GPD2: variants seen among roughly 807,000 people sequenced by gnomAD.
GPD2 encodes glycerol-3-phosphate dehydrogenase, mitochondrial.
GPD2 carries 54 observed loss-of-function variants against 82.4 expected under a neutral mutation model. The ratio of observed to expected loss-of-function variants is 0.66; its 90% CI spans 0.53 to 0.82. The LOEUF is 0.82. Ranked by LOEUF, GPD2 falls within the 40% of genes least tolerant of loss-of-function variation. The pLI is 0.00. For missense variants in GPD2, 748 were observed against 896.2 expected (o/e 0.83, Z 2.11); for synonymous variants, 288 against 306.1 (o/e 0.94, Z 0.62).
chr2:156,528,315 A>G (rs1375176099), intron 6 of GPD2, among the ~76,000 whole-genome samples: 1 of 152,016 alleles, frequency 6.6e-6, no homozygotes, highest in African/African-American at 2.4e-5. Context: ...TCTTTTTCTC[A>G]TCACAGATTT....
intron 6 of GPD2, among the ~76,000 whole-genome samples, chr2:156,526,024 GT>G (rs1685592872): frequency 1.3e-5 from 2 of 152,016 alleles, no homozygotes; most frequent in Non-Finnish European, 2.9e-5. Flanking sequence ...CTACCATTTT[GT>G]AGGTGGTAGT....
At chr2:156,505,610 G>C (rs183984179) in intron 3 of GPD2, among the ~76,000 whole-genome samples, 180 of 152,274 alleles carry the variant, frequency 1.2e-3, no homozygotes, top group African/African-American at 4.2e-3. Flanking sequence ...AGAGAGGCCA[G>C]CCCTTCCCTG....
chr2:156,454,428 G>T (rs1682718919), intron 1 of GPD2, among the ~76,000 whole-genome samples: 1 of 151,844 alleles, frequency 6.6e-6, no homozygotes, highest in Non-Finnish European at 1.5e-5. Flanking sequence ...AGGCCAAATG[G>T]GAGGATTACT....
chr2:156,486,005 T>C (rs923782237), intron 2 of GPD2, among the ~76,000 whole-genome samples: 3 of 152,248 alleles, frequency 2.0e-5, no homozygotes, highest in African/African-American at 7.2e-5. Context: ...CTTAGAAATA[T>C]AACTAAATTT....
the GPD2 span, among the ~76,000 whole-genome samples, chr2:156,424,019 T>C: frequency 1.3e-5 from 2 of 152,202 alleles, no homozygotes; most frequent in Non-Finnish European, 1.5e-5. Context: ...TAGCCCTTAA[T>C]ATAGTTGGAA....
At chr2:156,575,402 C>CTTTTTTTTT (rs35297244) in intron 13 of GPD2, among the ~76,000 whole-genome samples, 10 of 91,010 alleles carry the variant, frequency 1.1e-4, no homozygotes, top group Non-Finnish European at 1.4e-4. Context: ...CTTTTCTTTT[C>CTTTTTTTTT]TTTTTTTTTT....
chr2:156,550,457 T>C, intron 7 of GPD2, 145 bp from the exon 8 acceptor site: 1 of 810,194 alleles, frequency 1.2e-6, no homozygotes, highest in Non-Finnish European at 2.1e-6. Context: ...GTTTGGCTCT[T>C]CAATAACTTG....
At chr2:156,401,790 G>T in the GPD2 span, among the ~76,000 whole-genome samples, 1 of 152,170 alleles carries the variant, frequency 6.6e-6, no homozygotes, top group African/African-American at 2.4e-5. Context: ...CTAATAGTAT[G>T]AGTCTGATCC....
At chr2:156,481,648 C>CTT (rs869063014) in intron 2 of GPD2, among the ~76,000 whole-genome samples, 1 of 141,670 alleles carries the variant, frequency 7.1e-6, no homozygotes, top group Admixed American at 7.1e-5. Context: ...CATTCTTTTT[C>CTT]TTTTTTTTTT....
At chr2:156,511,795 T>C (rs1323631671) in intron 4 of GPD2, among the ~76,000 whole-genome samples, 4 of 152,216 alleles carry the variant, frequency 2.6e-5, no homozygotes, top group South Asian at 2.1e-4. Flanking sequence ...TGTAAAATAC[T>C]GTGCAACTGT....
At chr2:156,527,885 T>C (rs2105299223) in intron 6 of GPD2, among the ~76,000 whole-genome samples, 1 of 152,226 alleles carries the variant, frequency 6.6e-6, no homozygotes, top group East Asian at 1.9e-4. Context: ...GTGATTTGTG[T>C]TTTATTTTCC....
chr2:156,575,343 A>G (rs574924154), intron 13 of GPD2, among the ~76,000 whole-genome samples: 1 of 151,938 alleles, frequency 6.6e-6, no homozygotes, highest in Admixed American at 6.6e-5. Context: ...CACGGAAGCT[A>G]GTAAGGAATC....
intron 3 of GPD2, among the ~76,000 whole-genome samples, chr2:156,502,169 C>T (rs1477905083): frequency 6.6e-6 from 1 of 151,288 alleles, no homozygotes; most frequent in South Asian, 2.1e-4. Flanking sequence ...TATCATATTC[C>T]ATGTGAATCA....
intron 2 of GPD2, among the ~76,000 whole-genome samples, chr2:156,480,054 T>C (rs1268393744): frequency 1.3e-5 from 2 of 152,170 alleles, no homozygotes; most frequent in Non-Finnish European, 2.9e-5. Flanking sequence ...TATAGGTTGG[T>C]TTAATAATAC....
At chr2:156,566,970 T>A (rs1006641619) in intron 9 of GPD2, among the ~76,000 whole-genome samples, 2 of 152,226 alleles carry the variant, frequency 1.3e-5, no homozygotes, top group Middle Eastern at 6.8e-3. Context: ...TCATTAGTGA[T>A]GTTTACTATC....
intron 2 of GPD2, among the ~76,000 whole-genome samples, chr2:156,478,953 T>C (rs962352999): frequency 2.0e-5 from 3 of 152,204 alleles, no homozygotes; most frequent in Non-Finnish European, 4.4e-5. Context: ...TCTGGCACAT[T>C]TTGCTGTGTT....
At chr2:156,493,397 G>A (rs1470371678) in intron 2 of GPD2, among the ~76,000 whole-genome samples, 3 of 152,112 alleles carry the variant, frequency 2.0e-5, no homozygotes, top group African/African-American at 7.2e-5. Flanking sequence ...AGGTCTATCG[G>A]GAATTTTTAG....
Position 156,557,504 on chromosome 2 carries a change from C to T in GPD2, c.1087C>T (p.His363Tyr). ...TACTGATACTCCAACTGATGTTACA[C>T]ACCATCCAATTCCTTCAGAAGAAGA... Reference protein sequence around the residue: ...GTTDTPTDVTHHPIPSEEDIN... With the variant: ...GTTDTPTDVTYHPIPSEEDIN... The change falls in exon 9 of 17, where the codon CAC becomes TAC. Residue 363 changes from histidine to tyrosine, a missense_variant. By Grantham distance (83) the His-to-Tyr change is moderately conservative. Coordinates refer to ENST00000438166, the MANE Select transcript of GPD2 (RefSeq NM_000408.5). The T allele has an allele frequency of 6.3e-7, 1 of 1,595,390 alleles. No homozygotes were observed. The highest frequency in any genetic ancestry group is 8.6e-7 in the Non-Finnish European group (1 of 1,162,932).
intron 1 of GPD2, among the ~76,000 whole-genome samples, chr2:156,472,818 G>A (rs1445091148): frequency 1.3e-5 from 2 of 152,172 alleles, no homozygotes; most frequent in African/African-American, 2.4e-5. Flanking sequence ...TGAGACCAAA[G>A]GCAGGACAGA....
Sources: allele counts gnomAD v4.1 joint callset (sites outside exome capture counted in the v4.1 genomes callset), GRCh38; gene constraint gnomAD v4.1.1; transcripts MANE v1.5; gene names NCBI Gene and HGNC (gene_info 2026-07-23, HGNC 2026-07-21).